The following PTPRD variants were observed in gnomAD, a reference collection of about 807,000 sequenced individuals.
PTPRD encodes receptor-type tyrosine-protein phosphatase delta.
PTPRD carries 34 observed loss-of-function variants against 214.5 expected under a neutral mutation model. The ratio of observed to expected loss-of-function variants is 0.16; its 90% confidence interval spans 0.12 to 0.21. PTPRD has a LOEUF of 0.21. Ranked by LOEUF, PTPRD falls within the 10% of genes least tolerant of loss-of-function variation. PTPRD has a pLI of 1.00. For synonymous variants in PTPRD, 1,128 were observed against 845.7 expected (o/e 1.33, Z -5.79); for missense variants, 2,545 against 2,398.7 (o/e 1.06, Z -1.27).
intron 2 of PTPRD, among the ~76,000 whole-genome samples, chr9:10,444,604 A>T (rs571267553): frequency 6.6e-6 from 1 of 151,988 alleles, no homozygotes; most frequent in Non-Finnish European, 1.5e-5. Context: ...TATGACAATT[A>T]TATGAAATAT....
chr9:8,692,611 G>T (rs2097831826), intron 12 of PTPRD, among the ~76,000 whole-genome samples: 1 of 152,190 alleles, frequency 6.6e-6, no homozygotes. Flanking sequence ...ATGGCATATT[G>T]AAATTAGCCC....
chr9:8,625,831 C>A (rs564251404), intron 14 of PTPRD, among the ~76,000 whole-genome samples: 2 of 150,094 alleles, frequency 1.3e-5, no homozygotes, highest in Non-Finnish European at 3.0e-5. Flanking sequence ...ATAAGAGAGT[C>A]TTGAAATGAT....
intron 8 of PTPRD, among the ~76,000 whole-genome samples, chr9:9,494,524 G>A (rs1356247237): frequency 6.6e-6 from 1 of 152,174 alleles, no homozygotes; most frequent in East Asian, 1.9e-4. Flanking sequence ...AAATGATTAA[G>A]ATTTGCAAAG....
intron 10 of PTPRD, among the ~76,000 whole-genome samples, chr9:9,179,952 CA>C (rs1426736002): frequency 4.0e-5 from 6 of 151,870 alleles, no homozygotes; most frequent in Non-Finnish European, 7.4e-5. Flanking sequence ...ATATACATAT[CA>C]AAAATAAATG....
At chr9:9,407,728 C>T (rs2074005580) in intron 8 of PTPRD, among the ~76,000 whole-genome samples, 2 of 151,724 alleles carry the variant, frequency 1.3e-5, no homozygotes, top group Admixed American at 1.3e-4. Context: ...GAGTATCTCC[C>T]TCACATGATT....
intron 36 of PTPRD, among the ~76,000 whole-genome samples, chr9:8,399,027 ACC>A (rs2091863994): frequency 6.6e-6 from 1 of 151,554 alleles, no homozygotes; most frequent in Non-Finnish European, 1.5e-5. Context: ...CATGGATAAA[ACC>A]ATTTAAATCT....
At chr9:8,702,425 T>G (rs557428346) in intron 12 of PTPRD, among the ~76,000 whole-genome samples, 2 of 152,284 alleles carry the variant, frequency 1.3e-5, no homozygotes, top group South Asian at 4.1e-4. Context: ...AAACATTTAC[T>G]GATTACCTAC....
chr9:8,891,319 A>G (rs953559854), intron 11 of PTPRD, among the ~76,000 whole-genome samples: 2 of 151,762 alleles, frequency 1.3e-5, no homozygotes, highest in Non-Finnish European at 2.9e-5. Context: ...TTTTTAGTAG[A>G]GACGGAGTTT....
rs374744986 is a variant in PTPRD at position 9,208,220 on chromosome 9, A to T, written c.-202-24857T>A. 3.4e-4 allele frequency among the ~76,000 whole-genome samples: 52 copies of T among 151,346 alleles called. No individual in the cohort carries two copies. The South Asian group carries it at 8.8e-3, about 26-fold the overall frequency. Reference sequence around the variant, plus strand: ...TAGTCGAGACGGGGTTTCACCGTGTAAGCCAGGATGGTCTCGATCTCCTGA... The same window carrying T: ...TAGTCGAGACGGGGTTTCACCGTGTTAGCCAGGATGGTCTCGATCTCCTGA... On this transcript the variant is annotated intron_variant, in intron 9 of 45. Coordinates refer to ENST00000381196, the MANE Select transcript of PTPRD (RefSeq NM_002839.4).
intron 2 of PTPRD, among the ~76,000 whole-genome samples, chr9:10,351,004 G>A (rs969240662): frequency 6.6e-6 from 1 of 152,074 alleles, no homozygotes; most frequent in Non-Finnish European, 1.5e-5. Context: ...GAAGAAAGGA[G>A]CCAAAGGTCA....
intron 2 of PTPRD, among the ~76,000 whole-genome samples, chr9:10,418,443 C>T (rs886778504): frequency 3.0e-5 from 4 of 131,408 alleles, no homozygotes; most frequent in Admixed American, 8.4e-5. Context: ...AAGCCTTCCC[C>T]TCTACACACA....
At chr9:9,573,820 TG>T (rs1330082452) in intron 8 of PTPRD, among the ~76,000 whole-genome samples, 1 of 151,808 alleles carries the variant, frequency 6.6e-6, no homozygotes, top group Non-Finnish European at 1.5e-5. Flanking sequence ...TAAAAAGTAA[TG>T]AAAAAGTATA....
chr9:10,231,975 AGAGAGAGAGAGAGAGT>A (rs1424977205), intron 3 of PTPRD, among the ~76,000 whole-genome samples: 8 of 130,484 alleles, frequency 6.1e-5, no homozygotes, highest in African/African-American at 2.3e-4. Flanking sequence ...AGAGAGAGAG[AGAGAGAGAGAGAGAGT>A]GTGTGTGTGT....
Position 10,541,444 on chromosome 9 carries a change from G to A in PTPRD, c.-600+70954C>T, listed in dbSNP as rs551397187. ...AGGATTATATGTTCCAAATTCTTAAGGCAAATGCATTTTCAATTGTCTGTT... is the reference window on the plus strand; with the variant it reads ...AGGATTATATGTTCCAAATTCTTAAAGCAAATGCATTTTCAATTGTCTGTT... On this transcript the variant is annotated intron_variant, in intron 2 of 45. Transcript: ENST00000381196. Among the ~76,000 whole-genome samples, 3 of 151,948 alleles carry A rather than the reference G, an allele frequency of 2.0e-5. No individual in the cohort carries two copies. The South Asian group carries it at 6.2e-4, about 32-fold the overall frequency.
chr9:9,402,673 G>A (rs936519186), intron 8 of PTPRD, among the ~76,000 whole-genome samples: 1 of 151,816 alleles, frequency 6.6e-6, no homozygotes, highest in African/African-American at 2.4e-5. Flanking sequence ...CATAGATTAT[G>A]AAATGAGTAT....
intron 10 of PTPRD, among the ~76,000 whole-genome samples, chr9:9,067,438 T>C (rs1434301942): frequency 6.6e-6 from 1 of 152,234 alleles, no homozygotes; most frequent in East Asian, 1.9e-4. Context: ...ACATTGTGTG[T>C]GTCATAATAG....
chr9:9,599,951 A>T (rs1287735875), intron 7 of PTPRD, among the ~76,000 whole-genome samples: 1 of 152,038 alleles, frequency 6.6e-6, no homozygotes, highest in Admixed American at 6.6e-5. Flanking sequence ...ATTATTTAAT[A>T]TTGTTACCAT....
At chr9:9,883,528 A>T (rs964629161) in intron 5 of PTPRD, among the ~76,000 whole-genome samples, 11 of 152,110 alleles carry the variant, frequency 7.2e-5, no homozygotes, top group Non-Finnish European at 1.5e-5. Flanking sequence ...CCCGGTTTTC[A>T]CTCTCAGTGT....
At chr9:8,995,983 T>C (rs999401748) in intron 11 of PTPRD, among the ~76,000 whole-genome samples, 5 of 152,100 alleles carry the variant, frequency 3.3e-5, no homozygotes, top group Non-Finnish European at 7.4e-5. Flanking sequence ...ATGGAATGAC[T>C]GAACCATAAA....
Sources: gnomAD v4.1 joint callset for allele counts (sites outside exome capture counted in the v4.1 genomes callset) on GRCh38, gnomAD v4.1.1 for gene constraint, MANE v1.5 for transcripts, NCBI Gene and HGNC (gene_info 2026-07-23, HGNC 2026-07-21) for gene names.